SPATA13: variants seen among roughly 807,000 people sequenced by gnomAD.
The protein encoded by SPATA13 is spermatogenesis associated 13, also known as spermatogenesis-associated protein 13.
Under a neutral mutation model 104.0 loss-of-function variants are expected in SPATA13, and 50 were observed. That is an observed-to-expected ratio of 0.48 (90% CI 0.38 to 0.61). The LOEUF (loss-of-function observed/expected upper bound fraction) is 0.61, where lower values mean the gene tolerates loss of function less well. SPATA13 is among the 20% of genes least tolerant of loss of function. The probability of loss-of-function intolerance (pLI) is 0.00; values close to 1 mark genes in which losing one functional copy is unlikely to be tolerated. For synonymous variants in SPATA13, 606 were observed against 667.5 expected (o/e 0.91, Z 1.42); for missense variants, 1,524 against 1,690.6 (o/e 0.90, Z 1.73).
chr13:24,143,955 G>A (rs11843570), intron 3 of SPATA13, among the ~76,000 whole-genome samples: 51,610 of 152,042 alleles, frequency 0.34, 8,951 homozygotes, highest in Non-Finnish European at 0.36. Context: ...TGAAACCACA[G>A]GGCATATGAT....
intron 2 of SPATA13, among the ~76,000 whole-genome samples, chr13:24,010,264 G>T (rs151157839): frequency 6.6e-6 from 1 of 152,318 alleles, no homozygotes; most frequent in African/African-American, 2.4e-5. Context: ...TATATAAACA[G>T]TGGGGCAGAG....
At chr13:24,161,000 G>C (rs1024897635) in intron 1 of SPATA13, 68 bp downstream of exon 1, 10 of 928,858 alleles carry the variant, frequency 1.1e-5, no homozygotes, top group Non-Finnish European at 1.3e-5. Flanking sequence ...TAGAATATCG[G>C]GAGGATTTGA....
chr13:24,010,490 G>C (rs1354408244), intron 2 of SPATA13, among the ~76,000 whole-genome samples: 2 of 146,306 alleles, frequency 1.4e-5, no homozygotes, highest in East Asian at 2.0e-4. Flanking sequence ...TTGTAGCTAC[G>C]TTATTTAGGA....
intron 2 of SPATA13, among the ~76,000 whole-genome samples, chr13:23,995,712 G>A (rs1875651678): frequency 6.6e-6 from 1 of 152,208 alleles, no homozygotes; most frequent in South Asian, 2.1e-4. Flanking sequence ...CAGAGAAATA[G>A]AGGGGGTTGT....
chr13:24,071,118 G>A (rs1325661), intron 3 of SPATA13, among the ~76,000 whole-genome samples: 150,039 of 152,298 alleles, frequency 0.99, 73,945 homozygotes, highest in East Asian at 1. Flanking sequence ...GAGGAACTAG[G>A]GATGCGTAGA....
At chr13:23,989,708 G>A (rs1238415008) in intron 2 of SPATA13, among the ~76,000 whole-genome samples, 3 of 152,026 alleles carry the variant, frequency 2.0e-5, no homozygotes, top group African/African-American at 4.8e-5. Flanking sequence ...TGCCATGGGC[G>A]GAAAGTTTGT....
At chr13:23,986,042 A>C (rs1195821375) in intron 2 of SPATA13, among the ~76,000 whole-genome samples, 1 of 152,110 alleles carries the variant, frequency 6.6e-6, no homozygotes, top group African/African-American at 2.4e-5. Context: ...CCCCAGGGAG[A>C]AGGGAGTGCA....
intron 3 of SPATA13, among the ~76,000 whole-genome samples, chr13:24,055,516 G>T (rs1178680782): frequency 6.6e-6 from 1 of 152,184 alleles, no homozygotes; most frequent in African/African-American, 2.4e-5. Flanking sequence ...AGTGCCCGAA[G>T]CACCTTTAGT....
At chr13:24,196,735 T>A (rs1870078343) in intron 1 of SPATA13, among the ~76,000 whole-genome samples, 1 of 152,142 alleles carries the variant, frequency 6.6e-6, no homozygotes, top group Non-Finnish European at 1.5e-5. Flanking sequence ...TGAGACCCTA[T>A]GTCAAAACAA....
rs755019310 is a variant in SPATA13, at chr13:24,249,574, G to C, written c.1751G>C (p.Arg584Pro). 2.9e-5 allele frequency: 47 copies of C among 1,613,844 alleles called. No individual in the cohort carries two copies. The highest frequency in any genetic ancestry group is 3.9e-5 in the Non-Finnish European group (46 of 1,179,850). The change falls in exon 3 of 13, where the codon CGG becomes CCG. Residue 584 changes from arginine (R) to proline (P), a missense_variant. Arg to Pro is a moderately radical substitution (Grantham distance 103, BLOSUM62 -2). Around this residue, in one of 2 missense-constraint regions of SPATA13, gnomAD observed 1,089 missense variants for 1,135.9 expected, o/e 0.96. Coordinates refer to ENST00000382108, the MANE Select transcript of SPATA13 (RefSeq NM_001166271.3). ...TPKRRWGSGRRPRPRPFSDYG... is the reference protein window; with the variant it reads ...TPKRRWGSGRPPRPRPFSDYG... ...AAGAGGAGATGGGGCTCTGGGAGACGGCCAAGGCCTCGGCCATTCTCTGAC... is the reference window on the plus strand; with the variant it reads ...AAGAGGAGATGGGGCTCTGGGAGACCGCCAAGGCCTCGGCCATTCTCTGAC...
At chr13:24,242,889 G>A (rs1033572305) in intron 2 of SPATA13, among the ~76,000 whole-genome samples, 6 of 152,142 alleles carry the variant, frequency 3.9e-5, no homozygotes, top group Non-Finnish European at 7.3e-5. Flanking sequence ...ATAAAAACAG[G>A]CCTATGCAGG....
intron 3 of SPATA13, among the ~76,000 whole-genome samples, chr13:24,124,153 A>G (rs1881133244): frequency 6.6e-6 from 1 of 152,240 alleles, no homozygotes; most frequent in East Asian, 1.9e-4. Context: ...TCACCAAAGA[A>G]AGCAGTTATT....
At chr13:24,020,454 C>G (rs896427214) in intron 3 of SPATA13, among the ~76,000 whole-genome samples, 4 of 152,168 alleles carry the variant, frequency 2.6e-5, no homozygotes, top group African/African-American at 9.7e-5. Flanking sequence ...GATTCACAAT[C>G]CATTTGAGTT....
intron 3 of SPATA13, among the ~76,000 whole-genome samples, chr13:24,054,572 A>G (rs1878473139): frequency 6.6e-6 from 1 of 152,238 alleles, no homozygotes; most frequent in Non-Finnish European, 1.5e-5. Context: ...GACATGTAGC[A>G]GCAATTCATA....
intron 2 of SPATA13, among the ~76,000 whole-genome samples, chr13:24,241,529 T>C (rs1034104214): frequency 4.6e-5 from 7 of 152,260 alleles, no homozygotes; most frequent in African/African-American, 1.7e-4. Context: ...TAACGGGCTT[T>C]TATAGGAGCC....
At chr13:24,224,630 A>T in intron 2 of SPATA13, 48 bp downstream of exon 2, 3 of 1,531,012 alleles carry the variant, frequency 2.0e-6, no homozygotes, top group Non-Finnish European at 2.6e-6. Context: ...TCCTGCGGGA[A>T]GGGAGCTTGC....
At chr13:24,213,555 A>G (rs1283896639) in intron 1 of SPATA13, among the ~76,000 whole-genome samples, 1 of 152,106 alleles carries the variant, frequency 6.6e-6, no homozygotes, top group Non-Finnish European at 1.5e-5. Flanking sequence ...GTGAGCCACC[A>G]TGCCCGGCCA....
chr13:24,108,357 C>T (rs1374353589), intron 3 of SPATA13, among the ~76,000 whole-genome samples: 1 of 152,240 alleles, frequency 6.6e-6, no homozygotes, highest in Non-Finnish European at 1.5e-5. Context: ...ACCTCCGTTT[C>T]TTGTTCTCTC....
chr13:24,122,312 C>T (rs1881056133), intron 3 of SPATA13: 10 of 1,391,302 alleles, frequency 7.2e-6, no homozygotes, highest in African/African-American at 2.8e-5. Context: ...TTCAAACTAT[C>T]GATTTGAATA....
Sources: allele counts gnomAD v4.1 joint callset (sites outside exome capture counted in the v4.1 genomes callset), GRCh38; gene constraint gnomAD v4.1.1; regional missense constraint gnomAD v4.1.1; transcripts MANE v1.5; gene names NCBI Gene and HGNC (gene_info 2026-07-23, HGNC 2026-07-21).